FRMPD4: variants seen among roughly 807,000 people sequenced by gnomAD.
The protein encoded by FRMPD4 is FERM and PDZ domain-containing protein 4.
In FRMPD4, 22 loss-of-function variants were observed where a neutral mutation model predicts 94.1. The ratio of observed to expected loss-of-function variants is 0.23; its 90% CI spans 0.17 to 0.33. The LOEUF is 0.33. Ranked by LOEUF, FRMPD4 falls within the 10% of genes least tolerant of loss-of-function variation. The probability of loss-of-function intolerance (pLI) is 1.00; values close to 1 mark genes in which losing one functional copy is unlikely to be tolerated. For missense variants in FRMPD4, 1,111 were observed against 1,339.9 expected (o/e 0.83, Z 2.67); for synonymous variants, 631 against 548.6 (o/e 1.15, Z -2.10).
At chrX:12,590,557 G>A (rs1339233485) in intron 2 of FRMPD4, among the ~76,000 whole-genome samples, 1 of 112,054 alleles carries the variant, frequency 8.9e-6, no homozygotes, top group Admixed American at 9.5e-5. Context: ...GAGATTCTTT[G>A]TGAAACCCCA....
chrX:12,142,698 A>T (rs1312984958), intron 1 of FRMPD4, among the ~76,000 whole-genome samples: 2 of 111,941 alleles, frequency 1.8e-5, no homozygotes, highest in African/African-American at 6.5e-5. Flanking sequence ...GTTTCCCAAG[A>T]GTTGCTAGTT....
Position 12,716,800 on chromosome X carries a change from A to G in FRMPD4, c.2341A>G (p.Ile781Val), listed in dbSNP as rs1159674213. ...CCTGTCTGGGTCAAGCGATGACATCATTGACCTCACATCCCTGCCCCCTCC... is the reference window on the plus strand; with the variant it reads ...CCTGTCTGGGTCAAGCGATGACATCGTTGACCTCACATCCCTGCCCCCTCC... ...LNLSGSSDDI[I>V]DLTSLPPPEG... Residue 781 changes from isoleucine (I) to valine (V), a missense_variant, in exon 15 of 17, where the codon ATT becomes GTT. Transcript: ENST00000675598. 1 of 1,209,095 alleles carries G rather than the reference A, an allele frequency of 8.3e-7. No homozygotes were observed. Among genetic ancestry groups the G allele is most frequent in the Admixed American group, 2.2e-5 (1 of 45,870 alleles).
chrX:12,198,372 C>T (rs111484249), intron 1 of FRMPD4, among the ~76,000 whole-genome samples: 2 of 110,996 alleles, frequency 1.8e-5, no homozygotes, highest in African/African-American at 3.3e-5. Context: ...AGTGTGCACA[C>T]GAATCAGCAC....
chrX:12,286,674 T>A (rs1023279498), intron 1 of FRMPD4, among the ~76,000 whole-genome samples: 10 of 112,086 alleles, frequency 8.9e-5, no homozygotes, highest in African/African-American at 3.2e-4. Context: ...GTATGAATTA[T>A]ATCTTATGAT....
chrX:12,179,023 T>A (rs1471401211), intron 1 of FRMPD4, among the ~76,000 whole-genome samples: 1 of 112,175 alleles, frequency 8.9e-6, no homozygotes, highest in Non-Finnish European at 1.9e-5. Context: ...CTGGTTTTGC[T>A]TGAGCTCACT....
rs192190233 is a variant in FRMPD4, at chrX:12,406,293, A to G, written c.42-92387A>G. 1.7e-3 allele frequency among the ~76,000 whole-genome samples: 189 copies of G among 112,074 alleles called. 1 individual carries two copies. Among genetic ancestry groups the G allele is most frequent in the African/African-American group, 5.5e-3 (171 of 30,879 alleles). ...ATTTTCAGGAAATTTTCTGTCTTGT[A>G]TTTCAAGAAGTATTTATAATTATCC... On this transcript the variant is annotated intron_variant, in intron 1 of 16. Transcript: ENST00000675598.
chrX:12,407,358 A>G (rs957638219), intron 1 of FRMPD4, among the ~76,000 whole-genome samples: 3 of 111,837 alleles, frequency 2.7e-5, no homozygotes, highest in Non-Finnish European at 5.6e-5. Flanking sequence ...GCCGTGGAAC[A>G]TGCCACAGAG....
At chrX:12,471,967 C>G (rs1240576933) in intron 1 of FRMPD4, among the ~76,000 whole-genome samples, 1 of 112,384 alleles carries the variant, frequency 8.9e-6, no homozygotes, top group East Asian at 2.8e-4. Flanking sequence ...ATAACTCAAT[C>G]TACTGCTGAA....
intron 2 of FRMPD4, among the ~76,000 whole-genome samples, chrX:12,509,306 G>T (rs940620293): frequency 8.9e-6 from 1 of 111,733 alleles, no homozygotes; most frequent in Admixed American, 9.5e-5. Flanking sequence ...AGCACAATTC[G>T]CAATTCCAAA....
At chrX:12,511,890 G>A (rs925753910) in intron 2 of FRMPD4, among the ~76,000 whole-genome samples, 1 of 112,270 alleles carries the variant, frequency 8.9e-6, no homozygotes, top group East Asian at 2.8e-4. Flanking sequence ...TGAAAGCAGC[G>A]AGAGAAAAAT....
intron 1 of FRMPD4, among the ~76,000 whole-genome samples, chrX:12,301,949 C>T (rs983299216): frequency 1.3e-4 from 15 of 111,909 alleles, no homozygotes; most frequent in African/African-American, 4.9e-4. Flanking sequence ...CTTGTATCCC[C>T]AGGCTTTTAC....
chrX:11,945,145 T>C (rs764035738), intron 3 of FRMPD4, among the ~76,000 whole-genome samples: 1 of 111,490 alleles, frequency 9.0e-6, no homozygotes, highest in East Asian at 2.8e-4. Context: ...CCTCATTTTC[T>C]TGCCCCTCCA....
chrX:12,713,638 A>G, intron 14 of FRMPD4, among the ~76,000 whole-genome samples: 1 of 111,710 alleles, frequency 9.0e-6, no homozygotes, highest in East Asian at 2.8e-4. Flanking sequence ...AGAAACTCCC[A>G]AAAGATCTGA....
In FRMPD4 at chrX:12,631,785, C is replaced by T. The variant is rs1437543346; in HGVS notation, c.422+16904C>T. ...TCAGTGTTGTTAACTATATTATCTC[C>T]ATCTGCCTCACTTTTACTAACCTCT... is the stretch of plus-strand genomic sequence containing the variant. On this transcript the variant is annotated intron_variant, in intron 4 of 16. Transcript: ENST00000675598. 2.7e-5 allele frequency among the ~76,000 whole-genome samples: 3 copies of T among 112,273 alleles called. No homozygotes were observed. In the Admixed American group the frequency reaches 2.8e-4, roughly 11 times the overall value.
intron 1 of FRMPD4, among the ~76,000 whole-genome samples, chrX:12,174,913 G>C (rs767700306): frequency 7.2e-4 from 81 of 112,077 alleles, no homozygotes; most frequent in Non-Finnish European, 1.4e-3. Context: ...CTTTTGGGCA[G>C]AGTCACTGAT....
chrX:12,722,345 T>G lies in FRMPD4; in HGVS notation c.*487T>G, dbSNP rs1358704831. On this transcript the variant is annotated 3_prime_UTR_variant, in exon 17 of 17. Transcript: ENST00000675598. ...GCATTGGAAATAGCAAAAAGACATT[T>G]AAAATTCAAGAAGCTATTATGAATT... 6 of 112,541 alleles carry G rather than the reference T, an allele frequency of 5.3e-5. No individual in the cohort carries two copies. Among genetic ancestry groups the G allele is most frequent in the Non-Finnish European group, 1.1e-4 (6 of 53,318 alleles). 9.3% of individuals were successfully genotyped at this position (112,541 alleles called of 1,213,427 possible).
intron 3 of FRMPD4, among the ~76,000 whole-genome samples, chrX:12,089,353 G>T (rs2055135929): frequency 8.9e-6 from 1 of 111,876 alleles, no homozygotes; most frequent in Non-Finnish European, 1.9e-5. Flanking sequence ...ATGTGCTTAT[G>T]TTGGGAATTT....
At chrX:12,300,142 G>A (rs1044748425) in intron 1 of FRMPD4, among the ~76,000 whole-genome samples, 1 of 111,405 alleles carries the variant, frequency 9.0e-6, no homozygotes, top group Non-Finnish European at 1.9e-5. Flanking sequence ...GCCAAAGTGG[G>A]GTTAGACCTT....
chrX:12,367,552 C>T (rs1238264654), intron 1 of FRMPD4, among the ~76,000 whole-genome samples: 1 of 111,742 alleles, frequency 8.9e-6, no homozygotes, highest in Non-Finnish European at 1.9e-5. Flanking sequence ...GCGTGGGATT[C>T]GAGTGGAGAT....
Sources: gnomAD v4.1 joint callset for allele counts (sites outside exome capture counted in the v4.1 genomes callset) on GRCh38, gnomAD v4.1.1 for gene constraint, MANE v1.5 for transcripts, NCBI Gene and HGNC (gene_info 2026-07-23, HGNC 2026-07-21) for gene names.